The following RUNDC3B variants were observed in gnomAD, a reference collection of about 807,000 sequenced individuals.
The protein encoded by RUNDC3B is RUN domain containing 3B, also known as RUN domain-containing protein 3B.
Under a neutral mutation model 58.4 loss-of-function variants are expected in RUNDC3B, and 33 were observed. The ratio of observed to expected loss-of-function variants is 0.56; its 90% CI spans 0.43 to 0.75. RUNDC3B has a LOEUF of 0.75. Among genes scored for constraint, RUNDC3B ranks in the 30% least tolerant of loss-of-function variants. The probability of loss-of-function intolerance (pLI) is 0.00; values close to 1 mark genes in which losing one functional copy is unlikely to be tolerated. For synonymous variants in RUNDC3B, 193 were observed against 195.2 expected, an observed-to-expected ratio of 0.99 and a Z score of 0.10; for missense variants, 501 against 535.7, an observed-to-expected ratio of 0.94 and a Z score of 0.64.
chr7:87,738,632 A>G (rs995781385), intron 4 of RUNDC3B, among the ~76,000 whole-genome samples: 4 of 152,012 alleles, frequency 2.6e-5, no homozygotes, highest in African/African-American at 9.6e-5. Flanking sequence ...AATAGAAGAT[A>G]TAGGACTTAA....
chr7:87,637,302 T>A (rs1333262228), intron 1 of RUNDC3B, among the ~76,000 whole-genome samples: 1 of 152,252 alleles, frequency 6.6e-6, no homozygotes, highest in Non-Finnish European at 1.5e-5. Flanking sequence ...CCTGAGCTAA[T>A]ATCGTACTAA....
intron 6 of RUNDC3B, among the ~76,000 whole-genome samples, chr7:87,754,098 C>T (rs1454063549): frequency 1.3e-5 from 2 of 152,164 alleles, no homozygotes; most frequent in Non-Finnish European, 1.5e-5. Flanking sequence ...TTGTGCAGTA[C>T]TGATACTGAA....
At chr7:87,672,262 C>T (rs529563381) in intron 2 of RUNDC3B, among the ~76,000 whole-genome samples, 10 of 152,178 alleles carry the variant, frequency 6.6e-5, no homozygotes, top group Non-Finnish European at 1.5e-4. Flanking sequence ...AGCAGTCTAG[C>T]CACATTTTGG....
At chr7:87,705,053 C>A (rs1829465368) in intron 3 of RUNDC3B, among the ~76,000 whole-genome samples, 1 of 152,180 alleles carries the variant, frequency 6.6e-6, no homozygotes, top group African/African-American at 2.4e-5. Flanking sequence ...AATTATATCA[C>A]AATTATCTGT....
chr7:87,724,928 AAAG>A (rs1250333925), intron 4 of RUNDC3B, among the ~76,000 whole-genome samples: 1 of 152,018 alleles, frequency 6.6e-6, no homozygotes, highest in African/African-American at 2.4e-5. Context: ...AAAATATAGA[AAAG>A]AAATAATTAT....
intron 4 of RUNDC3B, among the ~76,000 whole-genome samples, chr7:87,730,363 G>A (rs1326661455): frequency 6.6e-6 from 1 of 152,098 alleles, no homozygotes; most frequent in Non-Finnish European, 1.5e-5. Context: ...GACCTGAAGA[G>A]AGAGAATCAG....
intron 4 of RUNDC3B, among the ~76,000 whole-genome samples, chr7:87,729,261 G>A (rs1398676385): frequency 1.3e-5 from 2 of 152,044 alleles, no homozygotes; most frequent in African/African-American, 2.4e-5. Context: ...AACACCTCCA[G>A]AAGAACCAAA....
intron 1 of RUNDC3B, among the ~76,000 whole-genome samples, chr7:87,637,812 C>T (rs911445212): frequency 3.3e-5 from 5 of 151,876 alleles, no homozygotes; most frequent in South Asian, 4.1e-4. Flanking sequence ...AGATTTTTTG[C>T]AGTTAAAATT....
At chr7:87,688,279 A>C (rs958285246) in intron 2 of RUNDC3B, among the ~76,000 whole-genome samples, 13 of 152,256 alleles carry the variant, frequency 8.5e-5, no homozygotes, top group Non-Finnish European at 1.9e-4. Context: ...AATAAAATGA[A>C]TCTTATATTA....
At position 87,680,007 on chromosome 7, in the gene RUNDC3B, C is replaced by T. The variant is rs1248640616; in HGVS notation, c.239-20414C>T. ...CTGTCACCTACATTAGGTATTTCTC[C>T]TAATGTTATCCCTACCCTAGCCACC... is the stretch of plus-strand genomic sequence containing the variant. On this transcript the variant is annotated intron_variant, in intron 2 of 10. Coordinates refer to ENST00000394654, the MANE Select transcript of RUNDC3B (RefSeq NM_001134405.2). 1.3e-5 allele frequency among the ~76,000 whole-genome samples: 2 copies of T among 150,460 alleles called. 1 individual carries two copies. Among genetic ancestry groups the T allele is most frequent in the African/African-American group, 4.9e-5 (2 of 40,476 alleles).
chr7:87,699,063 A>G (rs1282040754), intron 2 of RUNDC3B, among the ~76,000 whole-genome samples: 1 of 152,214 alleles, frequency 6.6e-6, no homozygotes, highest in Non-Finnish European at 1.5e-5. Context: ...TTTTAAAAGC[A>G]GTCAAGTTAC....
At chr7:87,635,794 C>A (rs1298824933) in intron 1 of RUNDC3B, among the ~76,000 whole-genome samples, 1 of 152,188 alleles carries the variant, frequency 6.6e-6, no homozygotes, top group Non-Finnish European at 1.5e-5. Flanking sequence ...TGGTTTTTAA[C>A]ACCATGGTTT....
intron 1 of RUNDC3B, 64 bp downstream of exon 1, chr7:87,629,009 G>A (rs1381867102): frequency 4.1e-5 from 52 of 1,278,446 alleles, no homozygotes; most frequent in Non-Finnish European, 5.2e-5. Flanking sequence ...GGGCTTCCGC[G>A]CGGGTCCTTG....
At chr7:87,802,361 C>T (rs1836211946) in intron 8 of RUNDC3B, among the ~76,000 whole-genome samples, 1 of 152,084 alleles carries the variant, frequency 6.6e-6, no homozygotes, top group South Asian at 2.1e-4. Flanking sequence ...TGCTACTGCA[C>T]TCCAGCCTGG....
intron 3 of RUNDC3B, among the ~76,000 whole-genome samples, 200 bp downstream of exon 3, chr7:87,700,754 G>T (rs1828959306): frequency 1.3e-5 from 2 of 152,128 alleles, no homozygotes; most frequent in South Asian, 4.1e-4. Context: ...GAACCCTGAA[G>T]ATGTCCAAGA....
chr7:87,629,067 G>T, intron 1 of RUNDC3B, 122 bp downstream of exon 1: 2 of 979,016 alleles, frequency 2.0e-6, no homozygotes, highest in African/African-American at 3.4e-5. Context: ...CGCCTATGTT[G>T]CGCCAGCCAA....
chr7:87,763,260 G>A (rs1191834542), intron 6 of RUNDC3B, among the ~76,000 whole-genome samples: 2 of 151,390 alleles, frequency 1.3e-5, no homozygotes, highest in Non-Finnish European at 3.0e-5. Flanking sequence ...TTTTACATTT[G>A]TCATTGATTT....
chr7:87,632,094 T>C (rs1172111057), intron 1 of RUNDC3B, among the ~76,000 whole-genome samples: 1 of 151,926 alleles, frequency 6.6e-6, no homozygotes, highest in Non-Finnish European at 1.5e-5. Context: ...CTGGAAAAAA[T>C]TGAACCATTT....
intron 8 of RUNDC3B, among the ~76,000 whole-genome samples, chr7:87,791,494 A>G (rs536253278): frequency 6.6e-6 from 1 of 152,316 alleles, no homozygotes; most frequent in South Asian, 2.1e-4. Context: ...TGATGAACCA[A>G]TAAAAAATAA....
Sources: allele counts gnomAD v4.1 joint callset (sites outside exome capture counted in the v4.1 genomes callset), GRCh38; gene constraint gnomAD v4.1.1; transcripts MANE v1.5; gene names NCBI Gene and HGNC (gene_info 2026-07-23, HGNC 2026-07-21).